Variants in FBXW11 observed in about 807,000 individuals in gnomAD.
FBXW11 encodes the protein F-box/WD repeat-containing protein 11.
In FBXW11, 19 loss-of-function variants were observed where a neutral mutation model predicts 77.6. That is an observed-to-expected ratio of 0.24 (90% CI 0.17 to 0.36). The LOEUF is 0.36. Ranked by LOEUF, FBXW11 falls within the 10% of genes least tolerant of loss-of-function variation. FBXW11 has a pLI of 1.00. For missense variants in FBXW11, 334 were observed against 704.2 expected, an observed-to-expected ratio of 0.47 and a Z score of 5.95; for synonymous variants, 235 against 249.4, an observed-to-expected ratio of 0.94 and a Z score of 0.54.
At chr5:171,905,322 T>C (rs1019250421) in intron 4 of FBXW11, among the ~76,000 whole-genome samples, 1 of 152,178 alleles carries the variant, frequency 6.6e-6, no homozygotes, top group Non-Finnish European at 1.5e-5. Context: ...AATTACATCA[T>C]ATAATCTTCA....
chr5:171,943,457 TTC>T (rs1222633891), intron 2 of FBXW11, among the ~76,000 whole-genome samples: 1 of 152,172 alleles, frequency 6.6e-6, no homozygotes, highest in African/African-American at 2.4e-5. Flanking sequence ...AGCACAGATC[TTC>T]TTTTTTAGTT....
chr5:171,956,992 CTG>C (rs1245073809), intron 2 of FBXW11, among the ~76,000 whole-genome samples: 3 of 152,196 alleles, frequency 2.0e-5, no homozygotes, highest in Non-Finnish European at 4.4e-5. Flanking sequence ...TTACTTTTAT[CTG>C]TGGAATTCTC....
intron 1 of FBXW11, among the ~76,000 whole-genome samples, chr5:171,982,894 T>C (rs147359226): frequency 6.6e-6 from 1 of 152,094 alleles, no homozygotes; most frequent in African/African-American, 2.4e-5. Flanking sequence ...GGCATGCCGA[T>C]GTCATGAAGC....
intron 2 of FBXW11, among the ~76,000 whole-genome samples, chr5:171,950,966 T>C (rs561007688): frequency 4.6e-5 from 7 of 152,146 alleles, no homozygotes; most frequent in Admixed American, 6.5e-5. Flanking sequence ...TACCCTCCTA[T>C]GAACAAAGAA....
intron 1 of FBXW11, 89 bp downstream of exon 1, chr5:172,006,369 G>C (rs1766773962): frequency 1.6e-6 from 2 of 1,235,698 alleles, no homozygotes; most frequent in Non-Finnish European, 2.2e-6. Flanking sequence ...GGAAGGGCCA[G>C]AGCCGGCCTC....
At chr5:171,949,129 C>T (rs2541049) in intron 2 of FBXW11, among the ~76,000 whole-genome samples, 124,147 of 152,158 alleles carry the variant, frequency 0.82, 51,551 homozygotes, top group East Asian at 0.98. Context: ...ATCAGTAAGA[C>T]ACTTTCAAAC....
intron 1 of FBXW11, among the ~76,000 whole-genome samples, chr5:171,972,500 C>CCT (rs1764589902): frequency 1.3e-4 from 1 of 7,662 alleles, no homozygotes; most frequent in Non-Finnish European, 3.4e-4. Context: ...GACTCTGTCT[C>CCT]ATAAAAAAAA....
intron 6 of FBXW11, among the ~76,000 whole-genome samples, 160 bp downstream of exon 6, chr5:171,898,844 T>G (rs957682219): frequency 9.2e-5 from 14 of 152,198 alleles, no homozygotes; most frequent in Non-Finnish European, 1.9e-4. Context: ...GCAGAATAGC[T>G]GCAGATTATA....
chr5:171,940,219 C>T (rs1376372685), intron 2 of FBXW11, among the ~76,000 whole-genome samples: 2 of 151,896 alleles, frequency 1.3e-5, no homozygotes, highest in Admixed American at 6.6e-5. Context: ...GTTAGAGAAG[C>T]GAGTACTAAA....
chr5:171,884,599 T>A (rs1034545103), intron 7 of FBXW11, among the ~76,000 whole-genome samples: 2 of 152,192 alleles, frequency 1.3e-5, no homozygotes, highest in African/African-American at 4.8e-5. Context: ...AATGGTTATG[T>A]CCTTTCCTGG....
intron 3 of FBXW11, among the ~76,000 whole-genome samples, chr5:171,913,027 G>A (rs1760981017): frequency 6.6e-6 from 1 of 152,014 alleles, no homozygotes. Flanking sequence ...TTCATGACAA[G>A]GGGAACACAC....
intron 2 of FBXW11, among the ~76,000 whole-genome samples, chr5:171,921,649 T>C (rs1325536804): frequency 2.6e-5 from 4 of 152,044 alleles, no homozygotes; most frequent in Admixed American, 1.3e-4. Context: ...AGCAAAAACA[T>C]AGAAAAATTC....
At chr5:171,961,123 G>T (rs1763887403) in intron 1 of FBXW11, among the ~76,000 whole-genome samples, 1 of 152,190 alleles carries the variant, frequency 6.6e-6, no homozygotes, top group African/African-American at 2.4e-5. Flanking sequence ...GCTCAGAGAT[G>T]AAGTAATTTA....
chr5:171,871,166 CAATT>C, intron 10 of FBXW11, among the ~76,000 whole-genome samples: 1 of 152,176 alleles, frequency 6.6e-6, no homozygotes, highest in Non-Finnish European at 1.5e-5. Flanking sequence ...CAAGAAACTT[CAATT>C]CTATTTAATC....
chr5:171,985,952 A>C (rs1230567743), intron 1 of FBXW11, among the ~76,000 whole-genome samples: 1 of 151,240 alleles, frequency 6.6e-6, no homozygotes, highest in African/African-American at 2.4e-5. Context: ...GACCCAAAAA[A>C]ATAAAAATTA....
chr5:171,974,224 C>T (rs1021107486), intron 1 of FBXW11, among the ~76,000 whole-genome samples: 1 of 152,104 alleles, frequency 6.6e-6, no homozygotes, highest in African/African-American at 2.4e-5. Flanking sequence ...CACCTGAGGT[C>T]AGGAGTTTGA....
chr5:171,948,936 G>T (rs1405281438), intron 2 of FBXW11, among the ~76,000 whole-genome samples: 1 of 152,188 alleles, frequency 6.6e-6, no homozygotes, highest in African/African-American at 2.4e-5. Flanking sequence ...CTTAGTGCTA[G>T]TACTATATGC....
At chr5:171,965,232 A>G (rs1183399822) in intron 1 of FBXW11, among the ~76,000 whole-genome samples, 1 of 152,206 alleles carries the variant, frequency 6.6e-6, no homozygotes, top group Admixed American at 6.5e-5. Flanking sequence ...CTAAGGTAAG[A>G]TATTAGAACC....
chr5:171,928,250 A>C (rs1761989052), intron 2 of FBXW11, among the ~76,000 whole-genome samples: 1 of 152,240 alleles, frequency 6.6e-6, no homozygotes, highest in Non-Finnish European at 1.5e-5. Flanking sequence ...GAAAAAATCA[A>C]AGAGACAAAT....
Sources: allele counts gnomAD v4.1 joint callset (sites outside exome capture counted in the v4.1 genomes callset), GRCh38; gene constraint gnomAD v4.1.1; transcripts MANE v1.5; gene names NCBI Gene and HGNC (gene_info 2026-07-23, HGNC 2026-07-21).